The following EIF4E3 variants were observed in gnomAD, a reference collection of about 807,000 sequenced individuals.
The protein encoded by EIF4E3 is eukaryotic translation initiation factor 4E type 3.
A neutral mutation model predicts 31.7 loss-of-function variants in EIF4E3; 26 were observed. The ratio of observed to expected loss-of-function variants is 0.82; its 90% CI spans 0.60 to 1.14. The LOEUF is 1.14. Ranked by LOEUF, EIF4E3 falls within the 50% of genes most tolerant of loss-of-function variation. The probability of loss-of-function intolerance (pLI) is 0.00; values close to 1 mark genes in which losing one functional copy is unlikely to be tolerated. For synonymous variants in EIF4E3, 128 were observed against 107.7 expected, an observed-to-expected ratio of 1.19 and a Z score of -1.17; for missense variants, 304 against 270.9, an observed-to-expected ratio of 1.12 and a Z score of -0.86.
chr3:71,703,346 T>C (rs1430382692), intron 2 of EIF4E3, among the ~76,000 whole-genome samples: 1 of 152,202 alleles, frequency 6.6e-6, no homozygotes, highest in Non-Finnish European at 1.5e-5. Context: ...GGAAGACACC[T>C]GTCCAGTGGA....
At chr3:71,668,907 A>G in the EIF4E3 span, among the ~76,000 whole-genome samples, 2 of 152,352 alleles carry the variant, frequency 1.3e-5, no homozygotes, top group East Asian at 1.9e-4. Flanking sequence ...ATATACCCAA[A>G]GGATTATAAA....
At chr3:71,717,979 A>C (rs1333132146) in intron 1 of EIF4E3, among the ~76,000 whole-genome samples, 1 of 152,252 alleles carries the variant, frequency 6.6e-6, no homozygotes, top group East Asian at 1.9e-4. Flanking sequence ...ACACATGCCC[A>C]ATACACAGGC....
intron 5 of EIF4E3, among the ~76,000 whole-genome samples, chr3:71,690,623 G>C (rs947986068): frequency 6.6e-6 from 1 of 152,158 alleles, no homozygotes; most frequent in Non-Finnish European, 1.5e-5. Context: ...AGCTTTCAGG[G>C]ACCTTGGAGT....
chr3:71,698,160 T>C (rs2108043570), intron 3 of EIF4E3, among the ~76,000 whole-genome samples: 1 of 152,294 alleles, frequency 6.6e-6, no homozygotes, highest in African/African-American at 2.4e-5. Flanking sequence ...AGTCCTTTTG[T>C]TGGATACAGA....
At chr3:71,710,566 C>G (rs12487242) in intron 1 of EIF4E3, 82 bp from the exon 2 acceptor site, 407,290 of 1,390,976 alleles carry the variant, frequency 0.29, 63,004 homozygotes, top group African/African-American at 0.51. Flanking sequence ...GAATCTTTCA[C>G]GTCTTCCTAA....
In EIF4E3 at chr3:71,681,981, C is replaced by A. The variant is rs1189719957; in HGVS notation, c.*2701G>T. The A allele has an allele frequency of 6.6e-6, 1 of 152,148 alleles. No individual in the cohort carries two copies. Among genetic ancestry groups the A allele is most frequent in the Admixed American group, 6.5e-5 (1 of 15,282 alleles). The allele number at this position is 152,148 out of a possible 1,614,324, so 9.4% of individuals were successfully genotyped here. On this transcript the variant is annotated 3_prime_UTR_variant, in exon 7 of 7. Coordinates refer to ENST00000425534, the MANE Select transcript of EIF4E3 (RefSeq NM_001134651.2). Reference sequence around the variant, plus strand: ...ACATGTTTGCAGTAAATTACACCCTCATTTAAGAAATGTGGAAAAGTTGGG... The same window carrying A: ...ACATGTTTGCAGTAAATTACACCCTAATTTAAGAAATGTGGAAAAGTTGGG...
chr3:71,716,105 G>A (rs1226555296), intron 1 of EIF4E3, among the ~76,000 whole-genome samples: 1 of 152,210 alleles, frequency 6.6e-6, no homozygotes, highest in Non-Finnish European at 1.5e-5. Context: ...TAGCCACACT[G>A]CTGGCAAAGC....
rs755913079 is a variant in EIF4E3, at chr3:71,680,715, T to G, written c.*3967A>C. 2.6e-5 allele frequency: 4 copies of G among 152,246 alleles called. No homozygotes were observed. The highest frequency in any genetic ancestry group is 9.6e-5 in the African/African-American group (4 of 41,472). The allele number at this position is 152,246 out of a possible 1,614,324, so 9.4% of individuals were successfully genotyped here. A position where few individuals can be genotyped will look rare whatever the true frequency, so the allele number is the denominator to read the frequency against. On this transcript the variant is annotated 3_prime_UTR_variant, in exon 7 of 7. Transcript: ENST00000425534. ...ACCACAGGTTCAAAGGGACTTTTCGTTGCCTCTCAGTCCCTATTTTTTCCC... is the reference window on the plus strand; with the variant it reads ...ACCACAGGTTCAAAGGGACTTTTCGGTGCCTCTCAGTCCCTATTTTTTCCC...
downstream of EIF4E3, among the ~76,000 whole-genome samples, chr3:71,674,762 G>A (rs2048863948): frequency 6.6e-6 from 1 of 152,172 alleles, no homozygotes; most frequent in Admixed American, 6.5e-5. Context: ...ACCAATGGAA[G>A]TACCATTTAC....
At chr3:71,696,121 T>C (rs1243997568) in intron 4 of EIF4E3, among the ~76,000 whole-genome samples, 1 of 152,222 alleles carries the variant, frequency 6.6e-6, no homozygotes. Flanking sequence ...TGCTTCCGAC[T>C]TTGTAAAACC....
chr3:71,684,860 T>A, intron 6 of EIF4E3, 132 bp from the exon 7 acceptor site: 2 of 827,242 alleles, frequency 2.4e-6, no homozygotes, highest in Non-Finnish European at 3.6e-6. Context: ...CTTATTTATT[T>A]ATTTATTTTT....
intron 3 of EIF4E3, among the ~76,000 whole-genome samples, chr3:71,697,078 T>C (rs1030376815): frequency 2.0e-5 from 3 of 152,030 alleles, no homozygotes; most frequent in African/African-American, 7.3e-5. Flanking sequence ...TGCAGTGGCA[T>C]GATCGTAGCT....
intron 6 of EIF4E3, among the ~76,000 whole-genome samples, chr3:71,685,611 C>T (rs1196774058): frequency 2.6e-5 from 4 of 152,196 alleles, no homozygotes; most frequent in African/African-American, 7.2e-5. Flanking sequence ...GAACCACCTG[C>T]CTCAGCCTCC....
intron 1 of EIF4E3, among the ~76,000 whole-genome samples, chr3:71,720,536 C>T (rs2049531528): frequency 1.3e-5 from 2 of 152,172 alleles, no homozygotes; most frequent in Admixed American, 1.3e-4. Flanking sequence ...ACACCACCAC[C>T]TCTCAAAGCT....
chr3:71,670,541 T>C (rs192190351), downstream of EIF4E3, among the ~76,000 whole-genome samples: 5 of 152,060 alleles, frequency 3.3e-5, no homozygotes, highest in African/African-American at 1.2e-4. Flanking sequence ...TAAAAAAAAG[T>C]TTTTGGTGGG....
At chr3:71,740,091 ATAAC>A (rs1414578192) in intron 1 of EIF4E3, among the ~76,000 whole-genome samples, 1 of 152,052 alleles carries the variant, frequency 6.6e-6, no homozygotes, top group African/African-American at 2.4e-5. Flanking sequence ...GCAAAGAATT[ATAAC>A]TAATAATCCA....
chr3:71,697,561 C>A (rs1229622867), intron 3 of EIF4E3, among the ~76,000 whole-genome samples: 2 of 151,964 alleles, frequency 1.3e-5, no homozygotes, highest in Non-Finnish European at 2.9e-5. Context: ...CTGTTTATCA[C>A]CCCCACAACT....
In EIF4E3 at chr3:71,680,683, A is replaced by G. The variant is rs576246819; in HGVS notation, c.*3999T>C. On this transcript the variant is annotated 3_prime_UTR_variant, in exon 7 of 7. Transcript: ENST00000425534. The stretch of plus-strand genomic sequence containing the variant: ...AGAGGGGCAACCCACTCTAATTGCT[A>G]TAAATGACCACAGGTTCAAAGGGAC... The G allele has an allele frequency of 2.6e-5, 4 of 152,354 alleles. No individual in the cohort carries two copies. The highest frequency in any genetic ancestry group is 7.2e-5 in the African/African-American group (3 of 41,586). 9.4% of individuals were successfully genotyped at this position (152,354 alleles called of 1,614,324 possible). A position where few individuals can be genotyped will look rare whatever the true frequency, so the allele number is the denominator to read the frequency against.
At chr3:71,688,588 T>C (rs1274596625) in intron 6 of EIF4E3, among the ~76,000 whole-genome samples, 1 of 152,160 alleles carries the variant, frequency 6.6e-6, no homozygotes, top group Non-Finnish European at 1.5e-5. Flanking sequence ...AGTGTGGAGC[T>C]GGTTCAAAGG....
Sources: allele counts gnomAD v4.1 joint callset (sites outside exome capture counted in the v4.1 genomes callset), GRCh38; gene constraint gnomAD v4.1.1; transcripts MANE v1.5; gene names NCBI Gene and HGNC (gene_info 2026-07-23, HGNC 2026-07-21).